Variants in RFX2 observed in about 807,000 individuals in gnomAD.
RFX2 encodes DNA-binding protein RFX2.
RFX2 carries 20 observed loss-of-function variants against 87.8 expected under a neutral mutation model. The ratio of observed to expected loss-of-function variants is 0.23; its 90% CI spans 0.16 to 0.33. The LOEUF (loss-of-function observed/expected upper bound fraction) is 0.33, where lower values mean the gene tolerates loss of function less well. Ranked by LOEUF, RFX2 falls within the 10% of genes least tolerant of loss-of-function variation. RFX2 has a pLI of 1.00. For synonymous variants in RFX2, 397 were observed against 431.3 expected (o/e 0.92, Z 0.98); for missense variants, 767 against 1,012.3 (o/e 0.76, Z 3.29).
At chr19:6,066,777 G>A (rs901584599) in intron 1 of RFX2, among the ~76,000 whole-genome samples, 1 of 152,108 alleles carries the variant, frequency 6.6e-6, no homozygotes, top group African/African-American at 2.4e-5. Context: ...CTGTTTGCCC[G>A]GCCCTCATTG....
rs577945416 is a variant in RFX2, at chr19:6,002,994, G to C, written c.1501-124C>G. On this transcript the variant is annotated intron_variant, in intron 13 of 17. Transcript: ENST00000303657. The surrounding 1 kb of genome is among the most constrained non-coding windows in gnomAD (Gnocchi z 6.7). ...GAGGGAGCAGGAAACAGCAACCTGG[G>C]CAGGGAAGAGGGAACCTCCTGCTAT... 25 of 1,096,030 alleles carry C rather than the reference G, an allele frequency of 2.3e-5. No individual in the cohort carries two copies. The East Asian group carries it at 3.9e-4, about 17-fold the overall frequency. The allele number at this position is 1,096,030 out of a possible 1,614,324, so 67.9% of individuals were successfully genotyped here.
intron 1 of RFX2, among the ~76,000 whole-genome samples, chr19:6,062,034 T>A (rs2087441389): frequency 6.6e-6 from 1 of 152,082 alleles, no homozygotes; most frequent in African/African-American, 2.4e-5. Flanking sequence ...AGGTGGCTGA[T>A]GTCTGTAATT....
chr19:6,108,228 A>G (rs1009054724), intron 1 of RFX2, among the ~76,000 whole-genome samples: 3 of 152,216 alleles, frequency 2.0e-5, no homozygotes, highest in Non-Finnish European at 2.9e-5. Flanking sequence ...TCAAGAACTT[A>G]AATTCTTTTC....
chr19:6,030,006 C>G (rs1412688676), intron 5 of RFX2, among the ~76,000 whole-genome samples: 1 of 152,168 alleles, frequency 6.6e-6, no homozygotes, highest in African/African-American at 2.4e-5. Flanking sequence ...CACCACCAAG[C>G]TTACCAACAA....
In RFX2 at chr19:6,002,829, G is replaced by A; in HGVS notation, c.1542C>T (p.Tyr514=). 1 of 1,612,940 alleles carries A rather than the reference G, an allele frequency of 6.2e-7. No homozygotes were observed. Among genetic ancestry groups the A allele is most frequent in the South Asian group, 1.1e-5 (1 of 91,002 alleles). ...VSAFAQTLRR[Y]TSLNHLAQAA... ...CCTGCGCCAGGTGGTTGAGGGACGT[G>A]TAGCGCCGCAGCGTCTGGGCGAAGG... Residue 514 remains tyrosine, a synonymous_variant, in exon 14 of 18, where the codon TAC becomes TAT. Coordinates refer to ENST00000303657, the MANE Select transcript of RFX2 (RefSeq NM_000635.4). The surrounding 1 kb of genome is among the most constrained non-coding windows in gnomAD (Gnocchi z 6.7).
In RFX2 at chr19:6,055,005, T is replaced by C. The variant is rs376718082; in HGVS notation, c.-8-7501A>G. ...ATATATCTACATCTATATCTATATA[T>C]ATAAACTCCTACAATTCAATATAAG... On this transcript the variant is annotated intron_variant, in intron 1 of 17. Transcript: ENST00000303657. Among the ~76,000 whole-genome samples the C allele has an allele frequency of 5.3e-5, 8 of 152,310 alleles. No individual in the cohort carries two copies. In the East Asian group the frequency reaches 1.5e-3, roughly 29 times the overall value.
intron 1 of RFX2, among the ~76,000 whole-genome samples, chr19:6,059,597 C>A (rs958841050): frequency 2.0e-5 from 3 of 152,146 alleles, no homozygotes; most frequent in Admixed American, 6.5e-5. Context: ...AGAGGCCGAG[C>A]AGCAGCTGGT....
In RFX2 at chr19:6,055,404, A is replaced by G. The variant is rs952401553; in HGVS notation, c.-8-7900T>C. ...AAAAATAATAACAACTTGTATAAGC[A>G]TGTTCATAGCAGCTTTTTGTTTGTT... On this transcript the variant is annotated intron_variant, in intron 1 of 17. Transcript: ENST00000303657. Among the ~76,000 whole-genome samples the G allele has an allele frequency of 4.2e-4, 64 of 152,300 alleles. 1 individual carries two copies. Among genetic ancestry groups the G allele is most frequent in the Non-Finnish European group, 8.1e-4 (55 of 68,026 alleles).
rs760509620 is a variant in RFX2, at chr19:6,007,177, AG to A, written c.1248-12del. On this transcript the variant is annotated splice_polypyrimidine_tract_variant and intron_variant, in intron 11 of 17. Transcript: ENST00000303657. The surrounding 1 kb of genome is among the most constrained non-coding windows in gnomAD (Gnocchi z 8.2). ...TCGGGGTCTTCGTCACTGTGGAGGGAGGGGGGACAGGTGAGCTGTGGCCTGG... is the reference window on the plus strand; with the variant it reads ...TCGGGGTCTTCGTCACTGTGGAGGGAGGGGGACAGGTGAGCTGTGGCCTGG... 5 of 1,611,570 alleles carry A rather than the reference AG, an allele frequency of 3.1e-6. No individual in the cohort carries two copies. In the East Asian group the frequency reaches 6.7e-5, roughly 22 times the overall value.
rs577725780 is a variant in RFX2 at position 6,110,407 on chromosome 19, G to T, written c.-23C>A. The T allele has an allele frequency of 1.3e-5, 2 of 153,386 alleles. No individual in the cohort carries two copies. Among genetic ancestry groups the T allele is most frequent in the South Asian group, 1.9e-4 (1 of 5,252 alleles). 9.5% of individuals were successfully genotyped at this position (153,386 alleles called of 1,614,324 possible). On this transcript the variant is annotated 5_prime_UTR_variant, in exon 1 of 18. Coordinates refer to ENST00000303657, the MANE Select transcript of RFX2 (RefSeq NM_000635.4). The surrounding 1 kb of genome is among the most constrained non-coding windows in gnomAD (Gnocchi z 4.3). ...GCATCGGTCACCTGGAGTTCGGGCC[G>T]GGAGTTCGGGCAGCGGCTCCCGCGG... is the stretch of plus-strand genomic sequence containing the variant.
rs549640064 is a variant in RFX2, at chr19:6,020,799, C to G, written c.598-4528G>C. On this transcript the variant is annotated intron_variant, in intron 6 of 17. Transcript: ENST00000303657. This position sits in a 1 kb window ranked among gnomAD's most constrained non-coding sequence, Gnocchi z 5.3. ...TTGTCTGCTGATATTTGCATTCTTT[C>G]TGTGTCAATATCAAACACAAATAAG... is the stretch of plus-strand genomic sequence containing the variant. Among the ~76,000 whole-genome samples the G allele has an allele frequency of 5.6e-4, 86 of 152,368 alleles. No individual in the cohort carries two copies. The highest frequency in any genetic ancestry group is 2.0e-3 in the African/African-American group (82 of 41,588).
intron 1 of RFX2, among the ~76,000 whole-genome samples, chr19:6,051,905 T>C (rs1568525700): frequency 6.6e-6 from 1 of 151,928 alleles, no homozygotes; most frequent in East Asian, 1.9e-4. Context: ...TGAGATGGAG[T>C]CTCGCTCTGT....
Position 6,008,148 on chromosome 19 carries a change from G to A in RFX2, c.1092C>T (p.His364=), listed in dbSNP as rs1467857894. Reference sequence around the variant, plus strand: ...ACACCAGCTGCAGGGCCTTGACGTCGTGCAGTGTGACGCCGTCCTGCAGCA... The same window carrying A: ...ACACCAGCTGCAGGGCCTTGACGTCATGCAGTGTGACGCCGTCCTGCAGCA... The part of the protein sequence containing the change: ...SFLLQDGVTL[H]DVKALQLVYR... Residue 364 remains histidine, a synonymous_variant, in exon 10 of 18, where the codon CAC becomes CAT. Coordinates refer to ENST00000303657, the MANE Select transcript of RFX2 (RefSeq NM_000635.4). The A allele has an allele frequency of 6.4e-7, 1 of 1,556,504 alleles. No homozygotes were observed. Among genetic ancestry groups the A allele is most frequent in the African/African-American group, 1.4e-5 (1 of 73,948 alleles).
intron 1 of RFX2, among the ~76,000 whole-genome samples, chr19:6,060,909 G>C (rs2087420188): frequency 6.6e-6 from 1 of 151,980 alleles, no homozygotes; most frequent in Non-Finnish European, 1.5e-5. Flanking sequence ...CAAATCACCT[G>C]ACTCCGGCTC....
chr19:6,004,785 A>G lies in RFX2; in HGVS notation c.1403-487T>C, dbSNP rs2086554934. 6.6e-6 allele frequency among the ~76,000 whole-genome samples: 1 copy of G among 150,844 alleles called. No homozygotes were observed. Among genetic ancestry groups the G allele is most frequent in the South Asian group, 2.1e-4 (1 of 4,798 alleles). On this transcript the variant is annotated intron_variant, in intron 12 of 17. Coordinates refer to ENST00000303657, the MANE Select transcript of RFX2 (RefSeq NM_000635.4). This position sits in a 1 kb window ranked among gnomAD's most constrained non-coding sequence, Gnocchi z 4.8. ...TTTAAAGTGGGTTAGAATAAGAAGC[A>G]AATGATCAGACTGTTAAAAAAAAAA... is the stretch of plus-strand genomic sequence containing the variant.
At chr19:6,008,375 CT>C (rs112977122) in intron 9 of RFX2, 151 bp from the exon 10 acceptor site, 60,241 of 386,302 alleles carry the variant, frequency 0.16, 250 homozygotes, top group East Asian at 0.21. Context: ...TTTTCTTTTT[CT>C]TTTTTTTTTT....
intron 1 of RFX2, among the ~76,000 whole-genome samples, chr19:6,048,284 A>C (rs1229539358): frequency 2.0e-5 from 3 of 152,242 alleles, no homozygotes; most frequent in Non-Finnish European, 4.4e-5. Flanking sequence ...AGAAAGTATA[A>C]ACATATATTT....
At position 6,026,137 on chromosome 19, in the gene RFX2, G is replaced by A. The variant is rs780008491; in HGVS notation, c.597+26C>T. The stretch of plus-strand genomic sequence containing the variant: ...GCAGGTTACAAGCAGAGCAGGGACA[G>A]GTTGCCAGGTCAGACGCACACTTAC... On this transcript the variant is annotated intron_variant, in intron 6 of 17. Transcript: ENST00000303657. This position sits in a 1 kb window ranked among gnomAD's most constrained non-coding sequence, Gnocchi z 4.5. 4 of 1,591,522 alleles carry A rather than the reference G, an allele frequency of 2.5e-6. No individual in the cohort carries two copies. The highest frequency in any genetic ancestry group is 3.4e-6 in the Non-Finnish European group (4 of 1,161,260).
Position 6,047,457 on chromosome 19 carries a change from C to G in RFX2, c.40G>C (p.Val14Leu). ...GCTGCCGCCGAGGGACGCAGAGCCA[C>G]GGACGCTGGCGAATCCGCTCCACCC... is the stretch of plus-strand genomic sequence containing the variant. The part of the protein sequence containing the change: ...SEGGADSPAS[V>L]ALRPSAAAPP... Residue 14 changes from valine (V) to leucine (L), a missense_variant, in exon 2 of 18, where the codon GTG (valine) becomes CTG (leucine). By Grantham distance (32) the Val-to-Leu change is conservative. Coordinates refer to ENST00000303657, the MANE Select transcript of RFX2 (RefSeq NM_000635.4). The surrounding 1 kb of genome is among the most constrained non-coding windows in gnomAD (Gnocchi z 4.2). 1 of 1,606,462 alleles carries G rather than the reference C, an allele frequency of 6.2e-7. No homozygotes were observed. Among genetic ancestry groups the G allele is most frequent in the Non-Finnish European group, 8.5e-7 (1 of 1,176,604 alleles).
Sources: allele counts gnomAD v4.1 joint callset (sites outside exome capture counted in the v4.1 genomes callset), GRCh38; gene constraint gnomAD v4.1.1; non-coding constraint Gnocchi (gnomAD v3.1); transcripts MANE v1.5; gene names NCBI Gene and HGNC (gene_info 2026-07-23, HGNC 2026-07-21).